WASHC4: variants seen among roughly 807,000 people sequenced by gnomAD.
The protein encoded by WASHC4 is WASH complex subunit 4.
A neutral mutation model predicts 166.6 loss-of-function variants in WASHC4; 86 were observed. That is an observed-to-expected ratio of 0.52 (90% CI 0.43 to 0.62). WASHC4 has a LOEUF of 0.62. Among genes scored for constraint, WASHC4 ranks in the 20% least tolerant of loss-of-function variants. The pLI, the probability that WASHC4 is intolerant of heterozygous loss-of-function variation, is 0.00. For missense variants in WASHC4, 1,262 were observed against 1,382.4 expected, an observed-to-expected ratio of 0.91 and a Z score of 1.38; for synonymous variants, 446 against 451.6, an observed-to-expected ratio of 0.99 and a Z score of 0.16.
intron 8 of WASHC4, 77 bp from the exon 9 acceptor site, chr12:105,121,024 A>G (rs1458263109): frequency 4.3e-6 from 4 of 939,612 alleles, no homozygotes; most frequent in Non-Finnish European, 5.2e-6. Context: ...AGCCCAAATG[A>G]TTTTACTTTA....
chr12:105,119,125 C>A (rs1250949561), intron 7 of WASHC4, among the ~76,000 whole-genome samples: 1 of 152,050 alleles, frequency 6.6e-6, no homozygotes, highest in Non-Finnish European at 1.5e-5. Context: ...ATCCAGAAAA[C>A]AGAAAGGAAA....
rs185664364 is a variant in WASHC4 at position 105,149,039 on chromosome 12, G to A, written c.2515-576G>A. 13 of 978,190 alleles carry A rather than the reference G, an allele frequency of 1.3e-5. No individual in the cohort carries two copies. The East Asian group carries it at 1.4e-3, about 103-fold the overall frequency. The allele number at this position is 978,190 out of a possible 1,614,324, so 60.6% of individuals were successfully genotyped here. ...TTTAATAATTTATTTAACAATACTT[G>A]TTTAAAATGTTTGTCACCTGTTCTA... On this transcript the variant is annotated intron_variant, in intron 24 of 32. Transcript: ENST00000332180.
At chr12:105,150,560 G>T (rs985821194) in intron 25 of WASHC4, among the ~76,000 whole-genome samples, 1 of 152,196 alleles carries the variant, frequency 6.6e-6, no homozygotes, top group Non-Finnish European at 1.5e-5. Flanking sequence ...AAGATAGGTA[G>T]ATCACTTGAG....
intron 7 of WASHC4, among the ~76,000 whole-genome samples, chr12:105,119,438 A>C (rs901820207): frequency 2.0e-5 from 3 of 152,220 alleles, no homozygotes; most frequent in African/African-American, 7.2e-5. Flanking sequence ...AAGAGATAAC[A>C]AGAGCAATTT....
Position 105,143,186 on chromosome 12 carries a change from G to A in WASHC4, c.1953G>A (p.Glu651=), listed in dbSNP as rs1480169858. The change falls in exon 20 of 33, where the codon GAG becomes GAA. Residue 651 remains glutamate, a synonymous_variant. Transcript: ENST00000332180. ...CTATGATGCATGCAAGGCATTTAGA[G>A]TCCTATGAGATACTTCTGGATTGCT... is the stretch of plus-strand genomic sequence containing the variant. ...VPAMMHARHL[E]SYEILLDCYD... is the part of the protein sequence containing the mutation. The A allele has an allele frequency of 1.2e-6, 2 of 1,611,356 alleles. No individual in the cohort carries two copies. The highest frequency in any genetic ancestry group is 2.2e-5 in the East Asian group (1 of 44,778).
intron 3 of WASHC4, 39 bp from the exon 4 acceptor site, chr12:105,114,323 A>G (rs1592841587): frequency 1.3e-6 from 2 of 1,596,674 alleles, no homozygotes; most frequent in East Asian, 4.5e-5. Context: ...GTTATCTGTA[A>G]CAATTTACTT....
chr12:105,123,317 G>C (rs113939851), intron 10 of WASHC4, among the ~76,000 whole-genome samples: 2 of 151,930 alleles, frequency 1.3e-5, no homozygotes, highest in Admixed American at 1.3e-4. Context: ...CATCTTTTAG[G>C]GGGGTGGGGA....
chr12:105,119,693 G>T (rs978418113), intron 7 of WASHC4, among the ~76,000 whole-genome samples: 2 of 152,096 alleles, frequency 1.3e-5, no homozygotes, highest in Admixed American at 1.3e-4. Flanking sequence ...TCCTACCCCT[G>T]CCCTAGAAGG....
chr12:105,140,222 G>A lies in WASHC4; in HGVS notation c.1453-72G>A, dbSNP rs74241101. ...CAAATCCCTTCCCTAGCCTAAGGTC[G>A]TAAAGATCTTCTATAATTTTGCCTG... is the stretch of plus-strand genomic sequence containing the variant. On this transcript the variant is annotated intron_variant, in intron 15 of 32. Transcript: ENST00000332180. The A allele has an allele frequency of 4.6e-3, 4,973 of 1,091,826 alleles. 252 individuals are homozygous for A. The East Asian group carries it at 0.098, about 22-fold the overall frequency. The allele number at this position is 1,091,826 out of a possible 1,614,324, so 67.6% of individuals were successfully genotyped here. A position where few individuals can be genotyped will look rare whatever the true frequency, so the allele number is the denominator to read the frequency against.
intron 2 of WASHC4, among the ~76,000 whole-genome samples, chr12:105,112,156 T>C (rs1457176634): frequency 1.3e-5 from 2 of 152,216 alleles, no homozygotes; most frequent in East Asian, 3.8e-4. Flanking sequence ...TCATACGATA[T>C]GTGCTCCTTT....
chr12:105,143,327 C>A lies in WASHC4; in HGVS notation c.2010+84C>A, dbSNP rs544966595. 1.6e-3 allele frequency: 1,223 copies of A among 770,008 alleles called. 7 individuals carry two copies. The highest frequency in any genetic ancestry group is 2.4e-3 in the Non-Finnish European group (1,066 of 436,438). The allele number at this position is 770,008 out of a possible 1,614,324, so 47.7% of individuals were successfully genotyped here. ...AAAAAATGTTCGATTGAAGCAGACT[C>A]ACTGAGTTAAAATTATTTATAAATT... On this transcript the variant is annotated intron_variant, in intron 20 of 32. Transcript: ENST00000332180.
At chr12:105,154,996 A>G (rs1426255123) in intron 26 of WASHC4, 1 of 152,258 alleles carries the variant, frequency 6.6e-6, no homozygotes, top group Non-Finnish European at 1.5e-5. Flanking sequence ...TAATGTATGT[A>G]AAATGTATGT....
At chr12:105,164,346 C>A in intron 31 of WASHC4, 39 bp downstream of exon 31, 1 of 1,533,070 alleles carries the variant, frequency 6.5e-7, no homozygotes, top group Admixed American at 1.7e-5. Flanking sequence ...CTTTGACTTA[C>A]CATTTGATAT....
chr12:105,163,962 A>G (rs1884656523), intron 30 of WASHC4, 149 bp from the exon 31 acceptor site: 1 of 697,282 alleles, frequency 1.4e-6, no homozygotes, highest in African/African-American at 1.8e-5. Context: ...TCATTCATTT[A>G]TGCTGTAAAA....
At chr12:105,130,045 T>C (rs529206549) in intron 13 of WASHC4, among the ~76,000 whole-genome samples, 3 of 152,326 alleles carry the variant, frequency 2.0e-5, no homozygotes, top group East Asian at 3.9e-4. Flanking sequence ...GTAGATACTT[T>C]TGTTGCCATT....
intron 13 of WASHC4, among the ~76,000 whole-genome samples, chr12:105,129,624 C>G (rs1455109158): frequency 6.6e-6 from 1 of 152,166 alleles, no homozygotes; most frequent in Non-Finnish European, 1.5e-5. Flanking sequence ...GTCAGAAGGT[C>G]TGAGAACCAT....
At chr12:105,139,425 G>GTATGTA (rs1555236361) in intron 15 of WASHC4, among the ~76,000 whole-genome samples, 3 of 103,190 alleles carry the variant, frequency 2.9e-5, no homozygotes, top group East Asian at 2.8e-4. Context: ...ATGTGTGTGT[G>GTATGTA]TATATATATA....
At chr12:105,125,474 A>G (rs558568857) in intron 10 of WASHC4, among the ~76,000 whole-genome samples, 2 of 152,184 alleles carry the variant, frequency 1.3e-5, no homozygotes, top group Non-Finnish European at 2.9e-5. Context: ...GGTAGACAAA[A>G]GTTATATGAA....
intron 15 of WASHC4, among the ~76,000 whole-genome samples, chr12:105,139,415 A>ATGTGTGTGTGTGTGTGTGTGTGTG (rs144001458): frequency 3.5e-4 from 33 of 94,430 alleles, no homozygotes; most frequent in East Asian, 1.7e-3. Context: ...GACTATATAT[A>ATGTGTGTGTGTGTGTGTGTGTGTG]TGTGTGTGTG....
Sources: allele counts gnomAD v4.1 joint callset (sites outside exome capture counted in the v4.1 genomes callset), GRCh38; gene constraint gnomAD v4.1.1; transcripts MANE v1.5; gene names NCBI Gene and HGNC (gene_info 2026-07-23, HGNC 2026-07-21).